Variants in CACNA1C observed in about 807,000 individuals in gnomAD.
CACNA1C encodes calcium voltage-gated channel subunit alpha1 C.
CACNA1C carries 30 observed loss-of-function variants against 229.0 expected under a neutral mutation model. The ratio of observed to expected loss-of-function variants is 0.13; its 90% confidence interval spans 0.10 to 0.18. The LOEUF is 0.18. Among genes scored for constraint, CACNA1C ranks in the 10% least tolerant of loss-of-function variants. The pLI, the probability that CACNA1C is intolerant of heterozygous loss-of-function variation, is 1.00. For missense variants in CACNA1C, 1,658 were observed against 2,845.0 expected, an observed-to-expected ratio of 0.58 and a Z score of 9.49; for synonymous variants, 1,114 against 1,132.5, an observed-to-expected ratio of 0.98 and a Z score of 0.33.
intron 3 of CACNA1C, among the ~76,000 whole-genome samples, chr12:2,239,929 G>C (rs984746740): frequency 1.3e-5 from 2 of 152,172 alleles, no homozygotes; most frequent in African/African-American, 2.4e-5. Context: ...AGGGTCCACT[G>C]GTTGGGAAAA....
chr12:2,350,971 AG>A (rs1384578557), intron 3 of CACNA1C, among the ~76,000 whole-genome samples: 3 of 152,238 alleles, frequency 2.0e-5, no homozygotes, highest in Non-Finnish European at 4.4e-5. Context: ...CATAAACTCA[AG>A]CCGAAGGCTG....
chr12:2,194,207 GTGTTCCTCCTCCTCCTTCTACTCCTTT>G, intron 3 of CACNA1C, among the ~76,000 whole-genome samples: 1 of 63,396 alleles, frequency 1.6e-5, no homozygotes, highest in Non-Finnish European at 4.1e-5. Flanking sequence ...GCTCCCCCCT[GTGTTCCTCCTCCTCCTTCTACTCCTTT>G]TGTTCCTCCT....
At chr12:2,668,697 A>G (rs1427382475) in intron 37 of CACNA1C, 5 of 486,798 alleles carry the variant, frequency 1.0e-5, no homozygotes, top group Non-Finnish European at 1.8e-5. Flanking sequence ...TTACTTAAAC[A>G]AGCAGATCTC....
chr12:2,612,100 A>T, intron 29 of CACNA1C, 87 bp downstream of exon 29: 4 of 801,996 alleles, frequency 5.0e-6, no homozygotes, highest in Non-Finnish European at 8.6e-6. Flanking sequence ...AGGCAGAATG[A>T]GGGGAAGAGG....
At chr12:2,242,001 C>A (rs574201716) in intron 3 of CACNA1C, among the ~76,000 whole-genome samples, 1 of 152,290 alleles carries the variant, frequency 6.6e-6, no homozygotes, top group South Asian at 2.1e-4. Context: ...ATTCAAGCTC[C>A]CTGCTCCATC....
intron 3 of CACNA1C, among the ~76,000 whole-genome samples, chr12:2,304,128 T>A (rs1239554345): frequency 6.6e-6 from 1 of 152,186 alleles, no homozygotes; most frequent in Admixed American, 6.5e-5. Flanking sequence ...AGGGACCATT[T>A]GCTGTGTCTT....
chr12:2,515,442 A>G (rs779968182), intron 9 of CACNA1C, among the ~76,000 whole-genome samples: 4 of 152,202 alleles, frequency 2.6e-5, no homozygotes, highest in East Asian at 1.9e-4. Flanking sequence ...ACAAGGGGAG[A>G]AATCCTGCTA....
intron 3 of CACNA1C, among the ~76,000 whole-genome samples, chr12:2,125,704 G>C (rs572741120): frequency 1.8e-4 from 27 of 152,064 alleles, no homozygotes; most frequent in African/African-American, 6.5e-4. Flanking sequence ...GCTCCCCTGG[G>C]GTTCTGATGC....
intron 1 of CACNA1C, among the ~76,000 whole-genome samples, chr12:2,073,448 A>C (rs2062074781): frequency 6.6e-6 from 1 of 151,304 alleles, no homozygotes; most frequent in Non-Finnish European, 1.5e-5. Flanking sequence ...CCCTTGCTGC[A>C]CTGTTCTTGC....
In CACNA1C at chr12:2,593,277, T is replaced by C; in HGVS notation, c.2595T>C (p.Leu865=). 1.9e-6 allele frequency: 3 copies of C among 1,613,744 alleles called. No homozygotes were observed. Among genetic ancestry groups the C allele is most frequent in the Non-Finnish European group, 1.7e-6 (2 of 1,179,802 alleles). Residue 865 remains leucine, a synonymous_variant, in exon 19 of 47, where the codon CTT becomes CTC. Transcript: ENST00000399655. ...VGPRPRPLSE[L]HLKEKAVPMP... ...CTCGCCCACGACCACTCTCTGAGCT[T>C]CACCTTAAGGAAAAGGCAGTGCCCA...
intron 3 of CACNA1C, among the ~76,000 whole-genome samples, chr12:2,444,489 C>G (rs1361411592): frequency 3.3e-5 from 5 of 152,060 alleles, no homozygotes; most frequent in African/African-American, 4.8e-5. Context: ...TGATTTGGAG[C>G]CCAGCCTCTG....
chr12:2,236,790 G>A (rs956979287), intron 3 of CACNA1C, among the ~76,000 whole-genome samples: 17 of 152,166 alleles, frequency 1.1e-4, no homozygotes, highest in African/African-American at 4.1e-4. Flanking sequence ...AGTGAACCAA[G>A]TTCTCCTGAG....
intron 3 of CACNA1C, among the ~76,000 whole-genome samples, chr12:2,443,530 G>C (rs1420747267): frequency 6.6e-6 from 1 of 152,202 alleles, no homozygotes; most frequent in African/African-American, 2.4e-5. Flanking sequence ...GTAGGAATGG[G>C]AGTCTTCATC....
At chr12:2,227,768 C>G (rs939125131) in intron 3 of CACNA1C, among the ~76,000 whole-genome samples, 1 of 152,194 alleles carries the variant, frequency 6.6e-6, no homozygotes, top group African/African-American at 2.4e-5. Context: ...TTTCATTTCT[C>G]TAAAACTAAA....
intron 9 of CACNA1C, among the ~76,000 whole-genome samples, chr12:2,518,648 G>A (rs988818286): frequency 7.3e-5 from 11 of 151,538 alleles, no homozygotes; most frequent in Non-Finnish European, 1.5e-5. Flanking sequence ...TATTTATCTA[G>A]ATCTCTCGAT....
Position 2,651,864 on chromosome 12 carries a change from C to T in CACNA1C, c.4074+96C>T. ...CAAGGAGGAGCCCTCCACTCTGGGG[C>T]CCTGCTCCTTCCTCTGTGTGGCAGA... On this transcript the variant is annotated intron_variant, in intron 32 of 46. Transcript: ENST00000399655. This position sits in a 1 kb window ranked among gnomAD's most constrained non-coding sequence, Gnocchi z 5.4. 2.1e-6 allele frequency: 2 copies of T among 970,066 alleles called. No homozygotes were observed. The highest frequency in any genetic ancestry group is 3.4e-5 in the South Asian group (2 of 58,550). The allele number at this position is 970,066 out of a possible 1,614,324, so 60.1% of individuals were successfully genotyped here.
chr12:2,080,365 G>T (rs572398614), intron 1 of CACNA1C, among the ~76,000 whole-genome samples: 1 of 152,204 alleles, frequency 6.6e-6, no homozygotes, highest in Non-Finnish European at 1.5e-5. Context: ...ACTTTGAGAA[G>T]CTGAGGCGGG....
chr12:2,461,615 A>G (rs1212779392), intron 5 of CACNA1C, among the ~76,000 whole-genome samples: 1 of 152,124 alleles, frequency 6.6e-6, no homozygotes, highest in African/African-American at 2.4e-5. Context: ...ATAGATAATA[A>G]GTATCTTGCA....
chr12:2,486,294 C>G lies in CACNA1C; in HGVS notation c.916+32C>G. 3.8e-6 allele frequency: 6 copies of G among 1,593,846 alleles called. No homozygotes were observed. Among genetic ancestry groups the G allele is most frequent in the Non-Finnish European group, 5.1e-6 (6 of 1,165,824 alleles). On this transcript the variant is annotated intron_variant, in intron 6 of 46. Coordinates refer to ENST00000399655, the MANE Select transcript of CACNA1C (RefSeq NM_000719.7). The surrounding 1 kb of genome is among the most constrained non-coding windows in gnomAD (Gnocchi z 4.9). ...GGGGCAGGCGGCTGCGCTCCCAAGGCCCTGCCCTCTATCGCTCCCAGCACC... is the reference window on the plus strand; with the variant it reads ...GGGGCAGGCGGCTGCGCTCCCAAGGGCCTGCCCTCTATCGCTCCCAGCACC...
Sources: gnomAD v4.1 joint callset for allele counts (sites outside exome capture counted in the v4.1 genomes callset) on GRCh38, gnomAD v4.1.1 for gene constraint, Gnocchi (gnomAD v3.1) non-coding constraint, MANE v1.5 for transcripts, NCBI Gene and HGNC (gene_info 2026-07-23, HGNC 2026-07-21) for gene names.